The following SOX6 variants were observed in gnomAD, a reference collection of about 807,000 sequenced individuals.
SOX6 encodes SRY-box transcription factor 6, also known as transcription factor SOX-6.
In SOX6, 11 loss-of-function variants were observed where a neutral mutation model predicts 97.8. The ratio of observed to expected loss-of-function variants is 0.11; its 90% CI spans 0.07 to 0.19. The LOEUF is 0.19. Among genes scored for constraint, SOX6 ranks in the 10% least tolerant of loss-of-function variants. The pLI is 1.00. For synonymous variants in SOX6, 360 were observed against 371.4 expected, an observed-to-expected ratio of 0.97 and a Z score of 0.35; for missense variants, 810 against 1,039.5, an observed-to-expected ratio of 0.78 and a Z score of 3.04.
chr11:16,329,654 T>A (rs1440280455), intron 2 of SOX6, among the ~76,000 whole-genome samples: 1 of 152,178 alleles, frequency 6.6e-6, no homozygotes, highest in Non-Finnish European at 1.5e-5. Flanking sequence ...AAAGAATTTA[T>A]CTCAAAGAGT....
intron 3 of SOX6, among the ~76,000 whole-genome samples, chr11:16,279,461 T>A (rs1163684513): frequency 6.6e-6 from 1 of 152,058 alleles, no homozygotes; most frequent in African/African-American, 2.4e-5. Context: ...ATATTTCAAT[T>A]TCTGAAGAGT....
intron 4 of SOX6, among the ~76,000 whole-genome samples, chr11:16,567,996 G>T (rs1044727621): frequency 2.6e-5 from 4 of 151,854 alleles, no homozygotes; most frequent in African/African-American, 9.7e-5. Context: ...ACCACAGACT[G>T]TCCACATGGA....
chr11:16,457,534 ACAACCATACCC>A (rs1859832025), intron 1 of SOX6, among the ~76,000 whole-genome samples: 1 of 152,042 alleles, frequency 6.6e-6, no homozygotes, highest in South Asian at 2.1e-4. Flanking sequence ...AATCTTCTCA[ACAACCATACCC>A]ATTTAACAGA....
chr11:16,458,971 T>C (rs10832610), intron 1 of SOX6, among the ~76,000 whole-genome samples: 2 of 151,984 alleles, frequency 1.3e-5, no homozygotes, highest in South Asian at 2.1e-4. Context: ...GGCAAAAAGA[T>C]ACCTGCATAT....
intron 4 of SOX6, among the ~76,000 whole-genome samples, chr11:16,514,793 G>A (rs928077215): frequency 2.6e-4 from 39 of 149,184 alleles, no homozygotes; most frequent in Admixed American, 4.1e-4. Flanking sequence ...GAGAATATGC[G>A]GTGTTTGGCT....
rs11023832 is a variant in SOX6, at chr11:16,032,331, T to C, written c.1623+14183A>G. On this transcript the variant is annotated intron_variant, in intron 12 of 15. Transcript: ENST00000683767. ...TTTGTTAGTCTATAATGGGGGCTAA[T>C]AAAAGATATCAATAATCTTTACCTC... is the stretch of plus-strand genomic sequence containing the variant. 9.7e-4 allele frequency among the ~76,000 whole-genome samples: 148 copies of C among 152,304 alleles called. 1 individual carries two copies. The East Asian group carries it at 0.023, about 24-fold the overall frequency.
At chr11:16,136,064 G>A (rs971003156) in intron 6 of SOX6, among the ~76,000 whole-genome samples, 6 of 152,062 alleles carry the variant, frequency 3.9e-5, no homozygotes, top group African/African-American at 1.4e-4. Flanking sequence ...GTGTCGCAAG[G>A]CTGCAGTGCA....
chr11:15,973,764 G>C (rs933957566), intron 15 of SOX6, among the ~76,000 whole-genome samples: 5 of 152,178 alleles, frequency 3.3e-5, no homozygotes, highest in Non-Finnish European at 7.3e-5. Context: ...TGGGAGTAAA[G>C]AGCAGTGAGA....
chr11:16,002,368 T>C (rs1293049643), intron 13 of SOX6, among the ~76,000 whole-genome samples: 1 of 152,214 alleles, frequency 6.6e-6, no homozygotes, highest in Non-Finnish European at 1.5e-5. Flanking sequence ...AAGAGTCTCT[T>C]GCTTTCAGTT....
chr11:16,514,555 T>C (rs1254011874), intron 4 of SOX6, among the ~76,000 whole-genome samples: 9 of 152,092 alleles, frequency 5.9e-5, no homozygotes, highest in Admixed American at 3.9e-4. Context: ...TTTTTTCTTT[T>C]ATTATTATAC....
chr11:16,387,647 T>C (rs1046497636), intron 1 of SOX6, among the ~76,000 whole-genome samples: 3 of 152,130 alleles, frequency 2.0e-5, no homozygotes, highest in African/African-American at 7.2e-5. Flanking sequence ...GCTTTCATAA[T>C]ATTTGACCTG....
chr11:16,055,718 A>G (rs1356146410), intron 10 of SOX6, 34 bp downstream of exon 10: 5 of 1,613,158 alleles, frequency 3.1e-6, no homozygotes, highest in South Asian at 1.1e-5. Flanking sequence ...ACTTTTTTCT[A>G]AACTGTTTCC....
chr11:16,052,531 T>C (rs564072229), intron 10 of SOX6, among the ~76,000 whole-genome samples: 1 of 152,160 alleles, frequency 6.6e-6, no homozygotes, highest in Non-Finnish European at 1.5e-5. Flanking sequence ...AATAGTTGTT[T>C]TTACTTTCTT....
At chr11:16,360,896 G>A (rs542119679), upstream of SOX6, among the ~76,000 whole-genome samples, 16 of 151,896 alleles carry the variant, frequency 1.1e-4, no homozygotes, top group East Asian at 2.1e-3. Context: ...CCAGCTACTC[G>A]GGAGGCTGAG....
At chr11:16,102,338 C>G (rs967235575) in intron 7 of SOX6, among the ~76,000 whole-genome samples, 1 of 151,842 alleles carries the variant, frequency 6.6e-6, no homozygotes, top group Non-Finnish European at 1.5e-5. Flanking sequence ...TGAAAGACCT[C>G]TACAAGAAAA....
At chr11:16,596,442 GAC>G (rs1392144393) in intron 4 of SOX6, among the ~76,000 whole-genome samples, 4 of 152,144 alleles carry the variant, frequency 2.6e-5, no homozygotes, top group Non-Finnish European at 5.9e-5. Flanking sequence ...ACATGTACGA[GAC>G]ATTTCAGTGT....
At chr11:16,272,487 ACT>A in intron 3 of SOX6, among the ~76,000 whole-genome samples, 1 of 151,836 alleles carries the variant, frequency 6.6e-6, no homozygotes, top group East Asian at 1.9e-4. Context: ...GTATATAATT[ACT>A]GCAGTATCAT....
At chr11:16,071,229 A>G (rs1848216983) in intron 9 of SOX6, among the ~76,000 whole-genome samples, 1 of 151,838 alleles carries the variant, frequency 6.6e-6, no homozygotes. Context: ...GCCTGAACTC[A>G]GCCAGCAGCT....
chr11:16,610,075 C>A lies in SOX6; in HGVS notation n.609+2006G>T, dbSNP rs1299760271. ...GCAAGCTCAGACTGGTGTTTCTAGC[C>A]CAGACAGGAGTCAGATCTCCCCTGT... On this transcript the variant is annotated intron_variant and non_coding_transcript_variant, in intron 4 of 5. Transcript: ENST00000524520. The surrounding 1 kb of genome is among the most constrained non-coding windows in gnomAD (Gnocchi z 4.4). Among the ~76,000 whole-genome samples the A allele has an allele frequency of 6.6e-6, 1 of 152,176 alleles. No individual in the cohort carries two copies. Among genetic ancestry groups the A allele is most frequent in the Non-Finnish European group, 1.5e-5 (1 of 68,030 alleles).
Sources: gnomAD v4.1 joint callset for allele counts (sites outside exome capture counted in the v4.1 genomes callset) on GRCh38, gnomAD v4.1.1 for gene constraint, Gnocchi (gnomAD v3.1) non-coding constraint, MANE v1.5 for transcripts, NCBI Gene and HGNC (gene_info 2026-07-23, HGNC 2026-07-21) for gene names.